The following INPP4B variants were observed in gnomAD, a reference collection of about 807,000 sequenced individuals.
INPP4B encodes the protein inositol polyphosphate-4-phosphatase type II B.
A neutral mutation model predicts 122.5 loss-of-function variants in INPP4B; 55 were observed. The ratio of observed to expected loss-of-function variants is 0.45; its 90% CI spans 0.36 to 0.56. The LOEUF is 0.56. Ranked by LOEUF, INPP4B falls within the 20% of genes least tolerant of loss-of-function variation. INPP4B has a pLI of 0.00. For synonymous variants in INPP4B, 403 were observed against 388.7 expected (o/e 1.04, Z -0.43); for missense variants, 1,000 against 1,097.7 (o/e 0.91, Z 1.26).
intron 1 of INPP4B, among the ~76,000 whole-genome samples, chr4:142,825,224 T>C (rs1305719419): frequency 6.6e-6 from 1 of 152,160 alleles, no homozygotes; most frequent in East Asian, 1.9e-4. Flanking sequence ...AGGATGTGGT[T>C]ACTACAATTA....
rs1332156762 is a variant in INPP4B at position 142,383,909 on chromosome 4, T to C, written c.372+19029A>G. ...GTGTGAGCTTATTATTCATGTGACC[T>C]CTCTGCATGTCCAGCTATTTCACAA... is the stretch of plus-strand genomic sequence containing the variant. On this transcript the variant is annotated intron_variant, in intron 7 of 25. Transcript: ENST00000262992. 1.0e-5 allele frequency: 6 copies of C among 571,512 alleles called. No homozygotes were observed. In the Admixed American group the frequency reaches 1.8e-4, roughly 17 times the overall value. The allele number at this position is 571,512 out of a possible 1,614,324, so 35.4% of individuals were successfully genotyped here. A position where few individuals can be genotyped will look rare whatever the true frequency, so the allele number is the denominator to read the frequency against.
chr4:142,609,859 C>G (rs1302633647), intron 2 of INPP4B, among the ~76,000 whole-genome samples: 1 of 152,116 alleles, frequency 6.6e-6, no homozygotes, highest in Non-Finnish European at 1.5e-5. Flanking sequence ...CCAGCTGAAA[C>G]AGAATGTAAT....
chr4:142,255,023 A>C (rs1055568923), intron 11 of INPP4B, among the ~76,000 whole-genome samples: 24 of 152,334 alleles, frequency 1.6e-4, no homozygotes, highest in African/African-American at 5.8e-4. Flanking sequence ...AAACTCTACA[A>C]GCCAGAAGAG....
intron 9 of INPP4B, among the ~76,000 whole-genome samples, chr4:142,276,458 C>G (rs1748439569): frequency 6.6e-6 from 1 of 151,768 alleles, no homozygotes; most frequent in African/African-American, 2.4e-5. Flanking sequence ...GTGGAAAGCA[C>G]AGTGAATGTT....
At chr4:142,486,594 A>T (rs1316161075) in intron 2 of INPP4B, among the ~76,000 whole-genome samples, 1 of 152,118 alleles carries the variant, frequency 6.6e-6, no homozygotes, top group Admixed American at 6.6e-5. Context: ...TTCTTTCAAA[A>T]ATCAGAAGTT....
intron 2 of INPP4B, among the ~76,000 whole-genome samples, chr4:142,552,678 G>T (rs895296079): frequency 2.6e-5 from 4 of 152,132 alleles, no homozygotes; most frequent in African/African-American, 9.7e-5. Flanking sequence ...GTTAACAATT[G>T]CTACCATTTA....
intron 5 of INPP4B, among the ~76,000 whole-genome samples, chr4:142,428,416 G>A (rs1333410407): frequency 4.1e-5 from 6 of 147,838 alleles, no homozygotes; most frequent in South Asian, 2.1e-4. Flanking sequence ...CTGTCTTTCC[G>A]AAATATTTCA....
intron 2 of INPP4B, among the ~76,000 whole-genome samples, chr4:142,623,152 A>T (rs368971277): frequency 6.6e-6 from 1 of 151,922 alleles, no homozygotes; most frequent in Non-Finnish European, 1.5e-5. Flanking sequence ...AGGCTTATCT[A>T]TCACAGTCGC....
At chr4:142,252,114 T>A (rs1013436852) in intron 11 of INPP4B, among the ~76,000 whole-genome samples, 1 of 151,992 alleles carries the variant, frequency 6.6e-6, no homozygotes, top group Non-Finnish European at 1.5e-5. Flanking sequence ...ACCTTCCTCA[T>A]AGCACATGTC....
At chr4:142,465,173 A>G (rs904888979) in intron 2 of INPP4B, among the ~76,000 whole-genome samples, 2 of 152,210 alleles carry the variant, frequency 1.3e-5, no homozygotes, top group Admixed American at 6.5e-5. Context: ...TAACTGTGCA[A>G]GTCTAAAGGA....
intron 2 of INPP4B, among the ~76,000 whole-genome samples, chr4:142,718,144 T>C (rs1382455070): frequency 6.6e-6 from 1 of 152,036 alleles, no homozygotes; most frequent in African/African-American, 2.4e-5. Flanking sequence ...AAATTTAGAA[T>C]GCAGCAGCAG....
chr4:142,823,967 A>C (rs1313233559), intron 1 of INPP4B, among the ~76,000 whole-genome samples: 2 of 152,176 alleles, frequency 1.3e-5, no homozygotes, highest in Admixed American at 1.3e-4. Flanking sequence ...CCAATGTGAG[A>C]AGGCATCATC....
chr4:142,547,830 T>G (rs750973495), intron 2 of INPP4B, among the ~76,000 whole-genome samples: 1 of 152,208 alleles, frequency 6.6e-6, no homozygotes, highest in Non-Finnish European at 1.5e-5. Flanking sequence ...TAGAACCTCA[T>G]GTATTATACC....
chr4:142,439,122 T>C (rs1018578823), intron 3 of INPP4B, among the ~76,000 whole-genome samples: 4 of 152,176 alleles, frequency 2.6e-5, no homozygotes, highest in Non-Finnish European at 5.9e-5. Context: ...AGGGAAGCCA[T>C]GTGCCTCCTA....
At chr4:142,348,534 A>T (rs1301768305) in intron 7 of INPP4B, among the ~76,000 whole-genome samples, 1 of 151,956 alleles carries the variant, frequency 6.6e-6, no homozygotes, top group East Asian at 1.9e-4. Flanking sequence ...AATCATCAGT[A>T]TGTGGGAGGC....
chr4:142,658,297 C>T (rs974069491), intron 2 of INPP4B, among the ~76,000 whole-genome samples: 1 of 152,112 alleles, frequency 6.6e-6, no homozygotes, highest in African/African-American at 2.4e-5. Flanking sequence ...GATATTGTAA[C>T]ATTGGAATAC....
chr4:142,690,029 T>C (rs1373041), intron 2 of INPP4B, among the ~76,000 whole-genome samples: 100,529 of 152,046 alleles, frequency 0.66, 34,331 homozygotes, highest in East Asian at 0.81. Flanking sequence ...CTGTCCTGTA[T>C]ATTGCTTTTG....
At chr4:142,641,762 T>C (rs1450050707) in intron 2 of INPP4B, among the ~76,000 whole-genome samples, 3 of 152,182 alleles carry the variant, frequency 2.0e-5, no homozygotes, top group Non-Finnish European at 2.9e-5. Flanking sequence ...GCATGATTTA[T>C]AGTCCTTTGG....
At chr4:142,609,470 T>G (rs1220848483) in intron 2 of INPP4B, among the ~76,000 whole-genome samples, 2 of 152,166 alleles carry the variant, frequency 1.3e-5, no homozygotes, top group African/African-American at 4.8e-5. Context: ...CTGGGATACT[T>G]CCCTTTCCCC....
Sources: gnomAD v4.1 joint callset for allele counts (sites outside exome capture counted in the v4.1 genomes callset) on GRCh38, gnomAD v4.1.1 for gene constraint, MANE v1.5 for transcripts, NCBI Gene and HGNC (gene_info 2026-07-23, HGNC 2026-07-21) for gene names.